PRKCH: variants seen among roughly 807,000 people sequenced by gnomAD.
PRKCH encodes the protein protein kinase C eta.
In PRKCH, 28 loss-of-function variants were observed where a neutral mutation model predicts 82.5. That is an observed-to-expected ratio of 0.34 (90% CI 0.25 to 0.47). PRKCH has a LOEUF of 0.47. PRKCH is among the 20% of genes least tolerant of loss of function. PRKCH has a pLI of 1.00. For missense variants in PRKCH, 705 were observed against 881.8 expected (o/e 0.80, Z 2.54); for synonymous variants, 322 against 327.4 (o/e 0.98, Z 0.18).
intron 1 of PRKCH, among the ~76,000 whole-genome samples, chr14:61,302,245 C>CA (rs1185976808): frequency 6.6e-6 from 1 of 152,196 alleles, no homozygotes; most frequent in East Asian, 1.9e-4. Flanking sequence ...TAAATCCTGC[C>CA]TTAAGCAAAT....
intron 1 of PRKCH, among the ~76,000 whole-genome samples, chr14:61,287,727 A>G (rs1444172578): frequency 6.6e-6 from 1 of 151,516 alleles, no homozygotes; most frequent in African/African-American, 2.4e-5. Context: ...AAAAAAAAAG[A>G]AACTGAATTA....
chr14:61,229,724 G>A (rs981684297), intron 1 of PRKCH, among the ~76,000 whole-genome samples: 9 of 152,060 alleles, frequency 5.9e-5, no homozygotes, highest in African/African-American at 9.7e-5. Context: ...AATTGTCCCC[G>A]ACACCCCACC....
chr14:61,276,905 CG>C (rs2045208259), intron 1 of PRKCH, among the ~76,000 whole-genome samples: 1 of 151,896 alleles, frequency 6.6e-6, no homozygotes, highest in Admixed American at 6.6e-5. Flanking sequence ...TTACATAGGC[CG>C]GGTTTGGTGG....
At chr14:61,286,144 G>A (rs1314662966) in intron 1 of PRKCH, among the ~76,000 whole-genome samples, 4 of 152,076 alleles carry the variant, frequency 2.6e-5, no homozygotes, top group Non-Finnish European at 4.4e-5. Flanking sequence ...TTTTTAATTG[G>A]CATTCCCTTA....
chr14:61,535,485 G>A (rs972726170), intron 12 of PRKCH, among the ~76,000 whole-genome samples: 2 of 152,228 alleles, frequency 1.3e-5, no homozygotes, highest in Admixed American at 1.3e-4. Context: ...AGGCTTGAAA[G>A]TGTGCAGAGG....
chr14:61,369,145 C>G (rs1034967967), intron 1 of PRKCH, among the ~76,000 whole-genome samples: 4 of 152,126 alleles, frequency 2.6e-5, no homozygotes, highest in Admixed American at 6.5e-5. Flanking sequence ...TAACCACTTT[C>G]AGTGGATGCT....
rs2045415217 is a variant in PRKCH, at chr14:61,297,524, C to T, written c.-19+109856C>T. Among the ~76,000 whole-genome samples, 4 of 152,184 alleles carry T rather than the reference C, an allele frequency of 2.6e-5. 1 individual carries two copies. The South Asian group carries it at 8.3e-4, about 32-fold the overall frequency. ...TCTCCAACCTTTTTGGCACTAGGAA[C>T]TGGTTTCATGGAAAACCATTTTTTC... On this transcript the variant is annotated intron_variant, in intron 1 of 3. Coordinates refer to the PRKCH transcript ENST00000555185.
chr14:61,395,988 G>A (rs2046774241), intron 2 of PRKCH, among the ~76,000 whole-genome samples: 1 of 151,942 alleles, frequency 6.6e-6, no homozygotes, highest in Admixed American at 6.6e-5. Flanking sequence ...GCTGAGGTGG[G>A]AGGATTGCCT....
intron 1 of PRKCH, among the ~76,000 whole-genome samples, chr14:61,364,451 T>G (rs2046272204): frequency 6.6e-6 from 1 of 151,992 alleles, no homozygotes; most frequent in Non-Finnish European, 1.5e-5. Flanking sequence ...CAGCAGATAC[T>G]GAGACTGGTC....
At chr14:61,273,600 T>G (rs1566802182) in intron 1 of PRKCH, among the ~76,000 whole-genome samples, 1 of 152,238 alleles carries the variant, frequency 6.6e-6, no homozygotes, top group Non-Finnish European at 1.5e-5. Flanking sequence ...AATGAACTAA[T>G]GTAACCCATC....
At position 61,376,073 on chromosome 14, in the gene PRKCH, G is replaced by T. The variant is rs78328312; in HGVS notation, c.364-15152G>T. Among the ~76,000 whole-genome samples the T allele has an allele frequency of 7.7e-3, 1,168 of 150,960 alleles. 11 individuals carry two copies. Among genetic ancestry groups the T allele is most frequent in the Non-Finnish European group, 0.013 (857 of 67,940 alleles). ...TTAAGATTTTATTCACAGTGTGGTGGGTGTGGTACTCAAGGCCTTTAATGG... is the reference window on the plus strand; with the variant it reads ...TTAAGATTTTATTCACAGTGTGGTGTGTGTGGTACTCAAGGCCTTTAATGG... On this transcript the variant is annotated intron_variant, in intron 1 of 13. Transcript: ENST00000332981.
chr14:61,534,754 G>C (rs1195675636), intron 12 of PRKCH, among the ~76,000 whole-genome samples: 1 of 152,092 alleles, frequency 6.6e-6, no homozygotes, highest in Admixed American at 6.5e-5. Context: ...ATGTTAGAAT[G>C]GAAAGAACAC....
At chr14:61,303,591 T>A (rs1207918948) in intron 1 of PRKCH, 1 of 152,156 alleles carries the variant, frequency 6.6e-6, no homozygotes, top group South Asian at 2.1e-4. Flanking sequence ...TTGCATCTCA[T>A]GCCAAAGCTC....
chr14:61,262,082 G>A (rs1023330091), intron 1 of PRKCH, among the ~76,000 whole-genome samples: 5 of 151,808 alleles, frequency 3.3e-5, no homozygotes, highest in East Asian at 1.9e-4. Context: ...TTAGCTGGGC[G>A]TAGTGGTGGG....
At chr14:61,264,062 C>T (rs1476578535) in intron 1 of PRKCH, among the ~76,000 whole-genome samples, 3 of 151,986 alleles carry the variant, frequency 2.0e-5, no homozygotes, top group Non-Finnish European at 4.4e-5. Context: ...GAAACTGGAT[C>T]GCCCTCTCAG....
chr14:61,224,576 C>G (rs925195943), intron 1 of PRKCH, among the ~76,000 whole-genome samples: 3 of 152,086 alleles, frequency 2.0e-5, no homozygotes, highest in Non-Finnish European at 4.4e-5. Context: ...AATGTCCCTC[C>G]GTTGGGGTTT....
At chr14:61,198,072 TAA>T (rs67182433) in intron 1 of PRKCH, among the ~76,000 whole-genome samples, 42 of 150,728 alleles carry the variant, frequency 2.8e-4, no homozygotes, top group Non-Finnish European at 5.3e-4. Context: ...AATTGATCCT[TAA>T]AAAAAAAAGT....
At chr14:61,356,879 G>A (rs1415682654) in intron 1 of PRKCH, among the ~76,000 whole-genome samples, 3 of 151,932 alleles carry the variant, frequency 2.0e-5, no homozygotes, top group Non-Finnish European at 4.4e-5. Flanking sequence ...ACAGGGTTTC[G>A]CCATGTTGGC....
At chr14:61,236,524 A>T (rs1057036445) in intron 1 of PRKCH, among the ~76,000 whole-genome samples, 1 of 152,004 alleles carries the variant, frequency 6.6e-6, no homozygotes, top group African/African-American at 2.4e-5. Context: ...CCTGGCCAAG[A>T]TGGTGAAACC....
Sources: allele counts gnomAD v4.1 joint callset (sites outside exome capture counted in the v4.1 genomes callset), GRCh38; gene constraint gnomAD v4.1.1; transcripts MANE v1.5; gene names NCBI Gene and HGNC (gene_info 2026-07-23, HGNC 2026-07-21).